The following MAGI1 variants were observed in gnomAD, a reference collection of about 807,000 sequenced individuals.
MAGI1 encodes membrane associated guanylate kinase, WW and PDZ domain containing 1.
In MAGI1, 58 loss-of-function variants were observed where a neutral mutation model predicts 139.9. The observed-to-expected ratio is 0.41, with a 90% confidence interval of 0.34 to 0.52. The LOEUF is 0.52. Ranked by LOEUF, MAGI1 falls within the 20% of genes least tolerant of loss-of-function variation. The probability of loss-of-function intolerance (pLI) is 0.12; values close to 1 mark genes in which losing one functional copy is unlikely to be tolerated. For missense variants in MAGI1, 1,874 were observed against 1,901.6 expected (o/e 0.99, Z 0.27); for synonymous variants, 812 against 737.9 (o/e 1.10, Z -1.63).
rs117771918 is a variant in MAGI1, at chr3:65,522,151, G to A, written c.431-28520C>T. 2.7e-3 allele frequency among the ~76,000 whole-genome samples: 408 copies of A among 152,240 alleles called. 3 individuals are homozygous for A. The East Asian group carries it at 0.027, about 10-fold the overall frequency. ...GTGTTAATATATATCCAGCAATAAT[G>A]AGATATGAGTCAAATAATGTCAAAA... On this transcript the variant is annotated intron_variant, in intron 2 of 22. Transcript: ENST00000402939.
intron 2 of MAGI1, among the ~76,000 whole-genome samples, chr3:65,518,813 T>G (rs1447201213): frequency 1.3e-5 from 2 of 149,798 alleles, no homozygotes; most frequent in Non-Finnish European, 3.0e-5. Context: ...CTCCATGGAG[T>G]TGATATTCTA....
intron 2 of MAGI1, among the ~76,000 whole-genome samples, chr3:65,524,553 C>T (rs988447096): frequency 6.6e-6 from 1 of 152,170 alleles, no homozygotes; most frequent in Non-Finnish European, 1.5e-5. Context: ...TTCAATTCCA[C>T]AGTGGACCAT....
intron 1 of MAGI1, among the ~76,000 whole-genome samples, chr3:66,026,254 A>G (rs1026677430): frequency 2.0e-5 from 3 of 152,182 alleles, no homozygotes; most frequent in African/African-American, 7.2e-5. Context: ...GCGCAAGCAG[A>G]TGCACACATC....
chr3:65,744,879 T>C (rs576418977), intron 1 of MAGI1, among the ~76,000 whole-genome samples: 32 of 152,222 alleles, frequency 2.1e-4, no homozygotes, highest in African/African-American at 7.0e-4. Context: ...ATTTACAACA[T>C]TATACAATTA....
intron 1 of MAGI1, chr3:65,893,919 T>C (rs1204690043): frequency 6.6e-6 from 1 of 152,138 alleles, no homozygotes; most frequent in Non-Finnish European, 1.5e-5. Context: ...AAACCTCAGG[T>C]GTGTTTCACC....
At chr3:65,711,835 A>C (rs1049264759) in intron 1 of MAGI1, among the ~76,000 whole-genome samples, 1 of 152,184 alleles carries the variant, frequency 6.6e-6, no homozygotes, top group Non-Finnish European at 1.5e-5. Context: ...ACTGAGAGAA[A>C]ACAAAGTCCA....
At chr3:65,579,141 C>T (rs1411974349) in intron 2 of MAGI1, among the ~76,000 whole-genome samples, 2 of 152,072 alleles carry the variant, frequency 1.3e-5, no homozygotes, top group Non-Finnish European at 2.9e-5. Flanking sequence ...TCCAGCCCCA[C>T]CACTGTGCAA....
chr3:65,636,561 ATCCTGGTT>A (rs1288042963), intron 1 of MAGI1, among the ~76,000 whole-genome samples: 11 of 152,204 alleles, frequency 7.2e-5, no homozygotes, highest in African/African-American at 2.7e-4. Context: ...CACATCTGCC[ATCCTGGTT>A]TCCCCTCTGA....
At chr3:65,577,321 C>A (rs1291570347) in intron 2 of MAGI1, among the ~76,000 whole-genome samples, 3 of 152,020 alleles carry the variant, frequency 2.0e-5, no homozygotes, top group Admixed American at 1.3e-4. Context: ...TGCAAAGAAT[C>A]CATTATGAAT....
chr3:65,441,439 A>G (rs1465856617), intron 8 of MAGI1, among the ~76,000 whole-genome samples: 1 of 152,110 alleles, frequency 6.6e-6, no homozygotes, highest in Non-Finnish European at 1.5e-5. Context: ...TTATTTCCTA[A>G]TTCTTGTAGC....
At chr3:65,438,408 C>A (rs909087554) in intron 9 of MAGI1, among the ~76,000 whole-genome samples, 1 of 152,176 alleles carries the variant, frequency 6.6e-6, no homozygotes, top group Admixed American at 6.5e-5. Context: ...TGATAAATTA[C>A]TTAATGGGTA....
At chr3:65,646,474 CTT>C (rs2085268185) in intron 1 of MAGI1, among the ~76,000 whole-genome samples, 1 of 152,094 alleles carries the variant, frequency 6.6e-6, no homozygotes, top group Admixed American at 6.5e-5. Context: ...ATCTCTCTCT[CTT>C]TCTCTCTCTC....
In MAGI1 at chr3:65,790,185, C is replaced by T. The variant is rs912205011; in HGVS notation, c.314-168097G>A. ...CCCCGATTTCACGAAATAAACCCAA[C>T]GTTTAAAAGCCAAGATGCAATACTT... On this transcript the variant is annotated intron_variant, in intron 1 of 22. Transcript: ENST00000402939. Among the ~76,000 whole-genome samples the T allele has an allele frequency of 4.6e-5, 7 of 152,190 alleles. No individual in the cohort carries two copies. In the South Asian group the frequency reaches 6.2e-4, roughly 14 times the overall value.
At chr3:65,980,598 T>C (rs1322589221) in intron 1 of MAGI1, among the ~76,000 whole-genome samples, 1 of 148,918 alleles carries the variant, frequency 6.7e-6, no homozygotes, top group Non-Finnish European at 1.5e-5. Flanking sequence ...AGAGAAGTCA[T>C]TGTGACTTAG....
At chr3:65,638,871 T>C (rs2084808113) in intron 1 of MAGI1, among the ~76,000 whole-genome samples, 1 of 152,178 alleles carries the variant, frequency 6.6e-6, no homozygotes, top group South Asian at 2.1e-4. Context: ...CCTCCCAAAG[T>C]GCTGGGATTA....
chr3:65,530,884 G>T (rs2078684245), intron 2 of MAGI1, among the ~76,000 whole-genome samples: 1 of 146,244 alleles, frequency 6.8e-6, no homozygotes, highest in Non-Finnish European at 1.5e-5. Context: ...GAGAGAAAGA[G>T]GAGGGGTGGG....
At chr3:65,561,340 T>C (rs2080335955) in intron 2 of MAGI1, among the ~76,000 whole-genome samples, 1 of 152,144 alleles carries the variant, frequency 6.6e-6, no homozygotes, top group South Asian at 2.1e-4. Flanking sequence ...ACACCCAATC[T>C]ATGGCTGGGG....
At position 65,453,181 on chromosome 3, in the gene MAGI1, GGCT is replaced by G. The variant is rs769815164; in HGVS notation, c.1042+74_1042+76del. 3.2e-6 allele frequency: 4 copies of G among 1,269,530 alleles called. No individual in the cohort carries two copies. The African/African-American group carries it at 5.9e-5, about 19-fold the overall frequency. The allele number at this position is 1,269,530 out of a possible 1,614,324, so 78.6% of individuals were successfully genotyped here. A position where few individuals can be genotyped will look rare whatever the true frequency, so the allele number is the denominator to read the frequency against. On this transcript the variant is annotated intron_variant, in intron 6 of 22. Transcript: ENST00000402939. The stretch of plus-strand genomic sequence containing the variant: ...ACTCAACATAAGACCCGACTGACCT[GGCT>G]ACGACTCTTTAAAATTTGCACATGT...
At chr3:65,968,248 G>GA (rs2064853486) in intron 1 of MAGI1, among the ~76,000 whole-genome samples, 2 of 152,298 alleles carry the variant, frequency 1.3e-5, no homozygotes, top group East Asian at 3.9e-4. Context: ...TTTGAACCAG[G>GA]AAAGTCCACT....
Sources: allele counts gnomAD v4.1 joint callset (sites outside exome capture counted in the v4.1 genomes callset), GRCh38; gene constraint gnomAD v4.1.1; transcripts MANE v1.5; gene names NCBI Gene and HGNC (gene_info 2026-07-23, HGNC 2026-07-21).